SYN3: variants seen among roughly 807,000 people sequenced by gnomAD.
SYN3 encodes the protein synapsin III.
In SYN3, 35 loss-of-function variants were observed where a neutral mutation model predicts 65.8. That is an observed-to-expected ratio of 0.53 (90% CI 0.41 to 0.70). SYN3 has a LOEUF of 0.70. Ranked by LOEUF, SYN3 falls within the 30% of genes least tolerant of loss-of-function variation. SYN3 has a pLI of 0.00. For missense variants in SYN3, 680 were observed against 749.0 expected, an observed-to-expected ratio of 0.91 and a Z score of 1.08; for synonymous variants, 270 against 292.9, an observed-to-expected ratio of 0.92 and a Z score of 0.80.
chr22:33,000,043 A>C (rs1027255361), intron 2 of SYN3, among the ~76,000 whole-genome samples: 6 of 152,160 alleles, frequency 3.9e-5, no homozygotes, highest in African/African-American at 1.4e-4. Flanking sequence ...TCAATTAATT[A>C]TAATTCTCCT....
intron 13 of SYN3, among the ~76,000 whole-genome samples, chr22:32,516,760 T>C (rs1047428365): frequency 1.3e-5 from 2 of 152,162 alleles, no homozygotes; most frequent in Middle Eastern, 3.4e-3. Flanking sequence ...GTGGGTCTAA[T>C]CCCAGCTCTT....
intron 3 of SYN3, among the ~76,000 whole-genome samples, chr22:32,950,313 G>A (rs1165985167): frequency 1.9e-4 from 29 of 152,188 alleles, no homozygotes; most frequent in Non-Finnish European, 1.5e-5. Context: ...ATAAAGAGAA[G>A]CAGTTAGTCT....
intron 6 of SYN3, among the ~76,000 whole-genome samples, chr22:32,623,860 A>C (rs968846476): frequency 2.0e-5 from 3 of 152,136 alleles, no homozygotes; most frequent in Non-Finnish European, 2.9e-5. Flanking sequence ...GTGAGTGCCG[A>C]GGTGTCCCCT....
At chr22:32,632,436 A>G (rs202046223) in intron 6 of SYN3, among the ~76,000 whole-genome samples, 1 of 145,202 alleles carries the variant, frequency 6.9e-6, no homozygotes, top group South Asian at 2.2e-4. Flanking sequence ...CAAACAAGAC[A>G]TGTTTGTGAG....
chr22:32,709,696 C>CT (rs200497488), intron 6 of SYN3, among the ~76,000 whole-genome samples: 5 of 151,270 alleles, frequency 3.3e-5, no homozygotes, highest in Admixed American at 1.3e-4. Flanking sequence ...TTTCCTTTTT[C>CT]TTTTTTTTTC....
chr22:32,546,810 C>T (rs11704399), intron 7 of SYN3, among the ~76,000 whole-genome samples: 6,965 of 152,186 alleles, frequency 0.046, 181 homozygotes, highest in Non-Finnish European at 0.067. Flanking sequence ...GTGAACTCTC[C>T]AAAACAGACC....
chr22:32,526,065 G>A (rs2057971619), intron 12 of SYN3, among the ~76,000 whole-genome samples: 1 of 152,150 alleles, frequency 6.6e-6, no homozygotes, highest in South Asian at 2.1e-4. Context: ...TCAGACGATT[G>A]TTAGTAATAA....
intron 13 of SYN3, among the ~76,000 whole-genome samples, chr22:32,516,122 A>C (rs1450801750): frequency 6.6e-6 from 1 of 152,110 alleles, no homozygotes; most frequent in Non-Finnish European, 1.5e-5. Context: ...AAACATGAAA[A>C]GCAGTGAGCA....
intron 2 of SYN3, among the ~76,000 whole-genome samples, chr22:32,991,246 G>A (rs554734322): frequency 6.6e-6 from 1 of 151,402 alleles, no homozygotes; most frequent in Non-Finnish European, 1.5e-5. Context: ...GCTGAGGCAG[G>A]AGAATAGCTT....
At chr22:32,989,523 A>G (rs1252380061) in intron 2 of SYN3, among the ~76,000 whole-genome samples, 1 of 152,174 alleles carries the variant, frequency 6.6e-6, no homozygotes, top group Non-Finnish European at 1.5e-5. Context: ...CCTCTCCAGC[A>G]TAGGCCTTTA....
intron 2 of SYN3, among the ~76,000 whole-genome samples, chr22:32,987,042 G>A (rs969351268): frequency 2.8e-4 from 43 of 152,184 alleles, no homozygotes; most frequent in African/African-American, 1.0e-3. Flanking sequence ...CATACAAACA[G>A]GATCTGTGTT....
At chr22:32,979,835 T>C (rs1350984353) in intron 3 of SYN3, among the ~76,000 whole-genome samples, 1 of 152,166 alleles carries the variant, frequency 6.6e-6, no homozygotes, top group Non-Finnish European at 1.5e-5. Flanking sequence ...AGTGTAAGTA[T>C]TGCTCAACCA....
At chr22:32,893,482 G>A (rs2049506603) in intron 4 of SYN3, among the ~76,000 whole-genome samples, 1 of 152,210 alleles carries the variant, frequency 6.6e-6, no homozygotes. Flanking sequence ...ATTGTCTCCT[G>A]CAGGAGTCAA....
intron 6 of SYN3, among the ~76,000 whole-genome samples, chr22:32,597,951 C>G (rs2059225653): frequency 6.6e-6 from 1 of 152,212 alleles, no homozygotes; most frequent in Non-Finnish European, 1.5e-5. Context: ...CAGGCCTGAG[C>G]TTTGCTTTCC....
intron 6 of SYN3, among the ~76,000 whole-genome samples, chr22:32,776,698 A>G (rs887844715): frequency 6.6e-5 from 10 of 152,162 alleles, no homozygotes; most frequent in African/African-American, 2.2e-4. Flanking sequence ...GCACTACCCT[A>G]AGTGGCTTAT....
chr22:32,660,021 G>A (rs966136101), intron 6 of SYN3, among the ~76,000 whole-genome samples: 3 of 152,188 alleles, frequency 2.0e-5, no homozygotes, highest in Non-Finnish European at 4.4e-5. Flanking sequence ...CAGGCATGGT[G>A]CTAGGGATAT....
intron 8 of SYN3, among the ~76,000 whole-genome samples, chr22:32,540,961 G>A (rs1302741764): frequency 6.6e-6 from 1 of 152,146 alleles, no homozygotes; most frequent in East Asian, 1.9e-4. Context: ...CTCTGTATCT[G>A]AATGTTTCTG....
intron 6 of SYN3, among the ~76,000 whole-genome samples, chr22:32,657,288 T>G (rs2060155043): frequency 6.6e-6 from 1 of 152,074 alleles, no homozygotes; most frequent in Non-Finnish European, 1.5e-5. Context: ...CTCACCCGGC[T>G]GATTTTTTGT....
At chr22:32,559,172 C>A (rs1443055566) in intron 7 of SYN3, among the ~76,000 whole-genome samples, 1 of 152,218 alleles carries the variant, frequency 6.6e-6, no homozygotes, top group East Asian at 1.9e-4. Context: ...GGACTCACAG[C>A]TGGAACAGAA....
Sources: gnomAD v4.1 joint callset for allele counts (sites outside exome capture counted in the v4.1 genomes callset) on GRCh38, gnomAD v4.1.1 for gene constraint, MANE v1.5 for transcripts, NCBI Gene and HGNC (gene_info 2026-07-23, HGNC 2026-07-21) for gene names.